The following MAPK8IP2 variants were observed in gnomAD, a reference collection of about 807,000 sequenced individuals.
MAPK8IP2 encodes C-Jun-amino-terminal kinase-interacting protein 2.
A neutral mutation model predicts 75.6 loss-of-function variants in MAPK8IP2; 15 were observed. The ratio of observed to expected loss-of-function variants is 0.20; its 90% CI spans 0.13 to 0.31. The LOEUF (loss-of-function observed/expected upper bound fraction) is 0.31. Ranked by LOEUF, MAPK8IP2 falls within the 10% of genes least tolerant of loss-of-function variation. MAPK8IP2 has a pLI of 1.00. For synonymous variants in MAPK8IP2, 632 were observed against 554.5 expected (o/e 1.14, Z -1.96); for missense variants, 1,089 against 1,211.2 (o/e 0.90, Z 1.50).
Position 50,607,991 on chromosome 22 carries a change from A to C in MAPK8IP2, c.2303+1000A>C, listed in dbSNP as rs961351258. 2.0e-5 allele frequency among the ~76,000 whole-genome samples: 3 copies of C among 152,176 alleles called. No homozygotes were observed. Among genetic ancestry groups the C allele is most frequent in the Non-Finnish European group, 4.4e-5 (3 of 68,022 alleles). On this transcript the variant is annotated intron_variant, in intron 10 of 11. Transcript: ENST00000329492. This position sits in a 1 kb window ranked among gnomAD's most constrained non-coding sequence, Gnocchi z 5.6. ...GAAGGAGATCTGGGAGGAACCAGAG[A>C]GGCAGAGCCAGCCAGAGGCTGGAAA... is the stretch of plus-strand genomic sequence containing the variant.
chr22:50,603,787 C>A, intron 4 of MAPK8IP2, 54 bp from the exon 5 acceptor site: 1 of 1,537,468 alleles, frequency 6.5e-7, no homozygotes, highest in South Asian at 1.2e-5. Context: ...GGACTGGCTG[C>A]TGGAAGAGGC....
rs1368706740 is a variant in MAPK8IP2, at chr22:50,604,724, C to A, written c.1425C>A (p.Asp475Glu). The change falls in exon 5 of 12, where the codon GAC becomes GAA. Residue 475 changes from aspartate to glutamate, a missense_variant. Around this residue, in one of 2 missense-constraint regions of MAPK8IP2, gnomAD observed 960 missense variants for 1,009.6 expected, o/e 0.95. Transcript: ENST00000329492. ...GCTCCGAGGAGGAGGACGAAGAGGACGACGAGGAAGAGGAGGATGCCGAGG... is the reference window on the plus strand; with the variant it reads ...GCTCCGAGGAGGAGGACGAAGAGGAAGACGAGGAAGAGGAGGATGCCGAGG... Reference protein sequence around the residue: ...AACSEEEDEEDDEEEEDAEDS... With the variant: ...AACSEEEDEEEDEEEEDAEDS... The A allele has an allele frequency of 3.9e-6, 6 of 1,534,538 alleles. No homozygotes were observed. In the East Asian group the frequency reaches 1.5e-4, roughly 38 times the overall value.
Position 50,604,544 on chromosome 22 carries a change from C to G in MAPK8IP2, c.1245C>G (p.Cys415Trp), listed in dbSNP as rs1279788930. The change falls in exon 5 of 12, where the codon TGC (cysteine) becomes TGG (tryptophan). Residue 415 changes from cysteine to tryptophan, a missense_variant. Transcript: ENST00000329492. Reference sequence around the variant, plus strand: ...AGCTGGTGGACATGGAGACGCTGTGCGCGCCGCCGCCGCCCGCGCCCGCCG... The same window carrying G: ...AGCTGGTGGACATGGAGACGCTGTGGGCGCCGCCGCCGCCCGCGCCCGCCG... Reference protein sequence around the residue: ...GVELVDMETLCAPPPPAPAAP... With the variant: ...GVELVDMETLWAPPPPAPAAP... 1.2e-5 allele frequency: 14 copies of G among 1,151,434 alleles called. No homozygotes were observed. Among genetic ancestry groups the G allele is most frequent in the Non-Finnish European group, 1.5e-5 (14 of 940,564 alleles). The allele number at this position is 1,151,434 out of a possible 1,614,324, so 71.3% of individuals were successfully genotyped here. A position where few individuals can be genotyped will look rare whatever the true frequency, so the allele number is the denominator to read the frequency against.
chr22:50,603,510 G>A lies in MAPK8IP2; in HGVS notation c.447+12G>A. On this transcript the variant is annotated intron_variant, in intron 3 of 11. Coordinates refer to ENST00000329492, the MANE Select transcript of MAPK8IP2 (RefSeq NM_012324.6). The stretch of plus-strand genomic sequence containing the variant: ...CACTGGGGGCCCAGGTGAGTGCCCG[G>A]ACCCACAGCTCCCTGGAGCTGAGCC... The A allele has an allele frequency of 6.4e-7, 1 of 1,565,314 alleles. No individual in the cohort carries two copies. The highest frequency in any genetic ancestry group is 8.7e-7 in the Non-Finnish European group (1 of 1,151,442).
rs1010378973 is a variant in MAPK8IP2, at chr22:50,610,363, G to A, written c.2402+53G>A. The A allele has an allele frequency of 1.2e-5, 18 of 1,453,754 alleles. No homozygotes were observed. In the African/African-American group the frequency reaches 2.4e-4, roughly 19 times the overall value. 90.1% of individuals were successfully genotyped at this position (1,453,754 alleles called of 1,614,324 possible). A position where few individuals can be genotyped will look rare whatever the true frequency, so the allele number is the denominator to read the frequency against. On this transcript the variant is annotated intron_variant, in intron 11 of 11. Coordinates refer to ENST00000329492, the MANE Select transcript of MAPK8IP2 (RefSeq NM_012324.6). This position sits in a 1 kb window ranked among gnomAD's most constrained non-coding sequence, Gnocchi z 4.3. Reference sequence around the variant, plus strand: ...AGAATGGGTGCAGGGTTACGGAGGTGGGGAGCGGAGGTGAGCAGGTGGGGG... The same window carrying A: ...AGAATGGGTGCAGGGTTACGGAGGTAGGGAGCGGAGGTGAGCAGGTGGGGG...
chr22:50,601,742 C>T (rs2070941883), intron 1 of MAPK8IP2, 47 bp from the exon 2 acceptor site: 1 of 1,475,422 alleles, frequency 6.8e-7, no homozygotes, highest in East Asian at 2.3e-5. Flanking sequence ...AGTTGCCAGG[C>T]AGGGAGTCCA....
intron 2 of MAPK8IP2, among the ~76,000 whole-genome samples, chr22:50,602,962 A>T (rs569741341): frequency 1.5e-4 from 23 of 152,238 alleles, no homozygotes; most frequent in Non-Finnish European, 1.9e-4. Flanking sequence ...CTGCAGTTAG[A>T]TGAGTCTGAA....
intron 1 of MAPK8IP2, 38 bp from the exon 2 acceptor site, chr22:50,601,751 C>A: frequency 6.5e-7 from 1 of 1,548,968 alleles, no homozygotes; most frequent in Non-Finnish European, 8.9e-7. Context: ...GCAGGGAGTC[C>A]AGGGTTGGTG....
chr22:50,601,557 A>C, intron 1 of MAPK8IP2: 2 of 418,854 alleles, frequency 4.8e-6, no homozygotes, highest in East Asian at 3.7e-5. Context: ...GCGGGGTGGG[A>C]GGGGTGGGGG....
chr22:50,611,003 G>A lies in MAPK8IP2; in HGVS notation c.*224G>A, dbSNP rs1016126277. 1.3e-5 allele frequency: 7 copies of A among 534,876 alleles called. No individual in the cohort carries two copies. The Admixed American group carries it at 1.7e-4, about 13-fold the overall frequency. The allele number at this position is 534,876 out of a possible 1,614,324, so 33.1% of individuals were successfully genotyped here. On this transcript the variant is annotated 3_prime_UTR_variant, in exon 12 of 12. Transcript: ENST00000329492. This position sits in a 1 kb window ranked among gnomAD's most constrained non-coding sequence, Gnocchi z 5.5. ...CGTGCCCCTGCTTTTCCTCAGATCC[G>A]TTCTTTCTCTGTGTTGTCCTCCTCC...
Position 50,603,414 on chromosome 22 carries a change from C to G in MAPK8IP2, c.363C>G (p.Pro121=). The change falls in exon 3 of 12, where the codon CCC becomes CCG. Residue 121 remains proline (P), a synonymous_variant. Transcript: ENST00000329492. ...GGDPGSEAPA[P]GPLIPSPSVE... is the part of the protein sequence containing the mutation. Reference sequence around the variant, plus strand: ...ACCCTGGCTCAGAGGCACCTGCCCCCGGGCCCCTTATCCCCTCCCCTTCCG... The same window carrying G: ...ACCCTGGCTCAGAGGCACCTGCCCCGGGGCCCCTTATCCCCTCCCCTTCCG... The G allele has an allele frequency of 1.3e-6, 2 of 1,562,478 alleles. No homozygotes were observed. Among genetic ancestry groups the G allele is most frequent in the Non-Finnish European group, 1.7e-6 (2 of 1,153,582 alleles).
rs1603444573 is a variant in MAPK8IP2 at position 50,613,863 on chromosome 22, C to T, written c.*3084C>T. On this transcript the variant is annotated 3_prime_UTR_variant, in exon 12 of 12. Coordinates refer to ENST00000329492, the MANE Select transcript of MAPK8IP2 (RefSeq NM_012324.6). ...CAGGCGTGGCTGTTGACCTTAGGTC[C>T]TCCCAGAACCTGGCGGATCGCCTGG... is the stretch of plus-strand genomic sequence containing the variant. 1 of 152,264 alleles carries T rather than the reference C, an allele frequency of 6.6e-6. No individual in the cohort carries two copies. The highest frequency in any genetic ancestry group is 2.4e-5 in the African/African-American group (1 of 41,474). 9.4% of individuals were successfully genotyped at this position (152,264 alleles called of 1,614,324 possible). A position where few individuals can be genotyped will look rare whatever the true frequency, so the allele number is the denominator to read the frequency against.
Position 50,604,092 on chromosome 22 carries a change from G to T in MAPK8IP2, c.793G>T (p.Gly265Trp). ...DSEDAGGARLGRMISSISETE... is the reference protein window; with the variant it reads ...DSEDAGGARLWRMISSISETE... ...GGAGGACGCGGGCGGCGCGCGCCTG[G>T]GGCGCATGATCTCGTCCATCTCGGA... The change falls in exon 5 of 12, where the codon GGG becomes TGG. Residue 265 changes from glycine to tryptophan, a missense_variant. By Grantham distance (184) the Gly-to-Trp change is radical (BLOSUM62 -2). Around this residue, in one of 2 missense-constraint regions of MAPK8IP2, gnomAD observed 960 missense variants for 1,009.6 expected, o/e 0.95. Transcript: ENST00000329492. The T allele has an allele frequency of 6.5e-7, 1 of 1,549,184 alleles. No homozygotes were observed. Among genetic ancestry groups the T allele is most frequent in the Middle Eastern group, 1.8e-4 (1 of 5,466 alleles).
chr22:50,601,042 C>G (rs1868638365), intron 1 of MAPK8IP2, 159 bp downstream of exon 1: 2 of 164,654 alleles, frequency 1.2e-5, no homozygotes, highest in Admixed American at 6.4e-5. Flanking sequence ...CTCGGGCGCC[C>G]CACCCCCACC....
In MAPK8IP2 at chr22:50,603,866, G is replaced by T; in HGVS notation, c.567G>T (p.Thr189=). The change falls in exon 5 of 12, where the codon ACG becomes ACT. Residue 189 remains threonine, a synonymous_variant. Transcript: ENST00000329492. ...AGCTCCCGGGCCCCCTCCCTGCCAC[G>T]GACACCGGGCCCGGCGGGGCGCAGT... The part of the protein sequence containing the change: ...LRELPGPLPA[T]DTGPGGAQSP... The T allele has an allele frequency of 6.5e-7, 1 of 1,533,512 alleles. No individual in the cohort carries two copies. Among genetic ancestry groups the T allele is most frequent in the Non-Finnish European group, 8.8e-7 (1 of 1,141,774 alleles). The allele number at this position is 1,533,512 out of a possible 1,614,324, so 95.0% of individuals were successfully genotyped here. A position where few individuals can be genotyped will look rare whatever the true frequency, so the allele number is the denominator to read the frequency against.
intron 10 of MAPK8IP2, chr22:50,609,691 G>A: frequency 2.1e-6 from 1 of 486,720 alleles, no homozygotes; most frequent in South Asian, 1.5e-5. Context: ...CTGGGTGGAG[G>A]AGCTGGGCAG....
intron 3 of MAPK8IP2, 31 bp from the exon 4 acceptor site, chr22:50,603,595 T>G: frequency 1.2e-5 from 19 of 1,585,714 alleles, no homozygotes; most frequent in Non-Finnish European, 1.6e-5. Context: ...CTGGCCCTCC[T>G]CAGGACCGCC....
Position 50,604,809 on chromosome 22 carries a change from C to T in MAPK8IP2, c.1510C>T (p.Leu504=). ...CCCCTCGGCGCCGCGGGACGCGTCGCTGGTGTACGACGCGGTCAAGTACAC... is the reference window on the plus strand; with the variant it reads ...CCCCTCGGCGCCGCGGGACGCGTCGTTGGTGTACGACGCGGTCAAGTACAC... ...TGPSAPRDAS[L]VYDAVKYTLV... is the part of the protein sequence containing the mutation. The change falls in exon 5 of 12, where the codon CTG becomes TTG. Residue 504 remains leucine, a synonymous_variant. Coordinates refer to ENST00000329492, the MANE Select transcript of MAPK8IP2 (RefSeq NM_012324.6). The T allele has an allele frequency of 6.4e-7, 1 of 1,555,738 alleles. No individual in the cohort carries two copies. Among genetic ancestry groups the T allele is most frequent in the African/African-American group, 1.4e-5 (1 of 73,558 alleles).
In MAPK8IP2 at chr22:50,610,161, C is replaced by A; in HGVS notation, c.2304-51C>A. 7.0e-7 allele frequency: 1 copy of A among 1,432,432 alleles called. No individual in the cohort carries two copies. The highest frequency in any genetic ancestry group is 9.7e-7 in the Non-Finnish European group (1 of 1,035,272). The allele number at this position is 1,432,432 out of a possible 1,614,324, so 88.7% of individuals were successfully genotyped here. A position where few individuals can be genotyped will look rare whatever the true frequency, so the allele number is the denominator to read the frequency against. ...TCTCTCTACATCATTTGTGGGGTGGCCAAGGCTGGGCCAGGGCTCTGACGT... is the reference window on the plus strand; with the variant it reads ...TCTCTCTACATCATTTGTGGGGTGGACAAGGCTGGGCCAGGGCTCTGACGT... On this transcript the variant is annotated intron_variant, in intron 10 of 11. Transcript: ENST00000329492. The surrounding 1 kb of genome is among the most constrained non-coding windows in gnomAD (Gnocchi z 4.3).
Sources: allele counts gnomAD v4.1 joint callset (sites outside exome capture counted in the v4.1 genomes callset), GRCh38; gene constraint gnomAD v4.1.1; regional missense constraint gnomAD v4.1.1; non-coding constraint Gnocchi (gnomAD v3.1); transcripts MANE v1.5; gene names NCBI Gene and HGNC (gene_info 2026-07-23, HGNC 2026-07-21).